The following DOCK7 variants were observed in gnomAD, a reference collection of about 807,000 sequenced individuals.
DOCK7 encodes dedicator of cytokinesis protein 7.
DOCK7 carries 138 observed loss-of-function variants against 271.0 expected under a neutral mutation model. The ratio of observed to expected loss-of-function variants is 0.51; its 90% confidence interval spans 0.44 to 0.59. The LOEUF is 0.59. Among genes scored for constraint, DOCK7 ranks in the 20% least tolerant of loss-of-function variants. The probability of loss-of-function intolerance (pLI) is 0.00; values close to 1 mark genes in which losing one functional copy is unlikely to be tolerated. For missense variants in DOCK7, 2,066 were observed against 2,592.4 expected (o/e 0.80, Z 4.41); for synonymous variants, 823 against 876.1 (o/e 0.94, Z 1.07).
At chr1:62,481,508 G>A (rs1326028187) in intron 43 of DOCK7, 4 of 151,304 alleles carry the variant, frequency 2.6e-5, no homozygotes, top group African/African-American at 9.7e-5. Context: ...TCAGAGCTTT[G>A]GACCACAGGA....
At chr1:62,486,193 TAC>T (rs1646286347) in intron 43 of DOCK7, 1 of 152,152 alleles carries the variant, frequency 6.6e-6, no homozygotes, top group African/African-American at 2.4e-5. Context: ...TGAGTATTGA[TAC>T]AGTCATATAC....
At chr1:62,597,943 G>A in intron 14 of DOCK7, 3 of 1,550,450 alleles carry the variant, frequency 1.9e-6, no homozygotes, top group Non-Finnish European at 1.7e-6. Flanking sequence ...AAACTTGAAA[G>A]CCTCCTAGAA....
At chr1:62,597,813 T>C (rs1649497318) in intron 14 of DOCK7, 1 of 1,613,228 alleles carries the variant, frequency 6.2e-7, no homozygotes, top group South Asian at 1.1e-5. Context: ...TCAGTCTTTT[T>C]ATGATCTATC....
At chr1:62,459,867 A>G (rs573614336) in intron 48 of DOCK7, among the ~76,000 whole-genome samples, 1 of 152,260 alleles carries the variant, frequency 6.6e-6, no homozygotes, top group Non-Finnish European at 1.5e-5. Flanking sequence ...TGGGAGGCCA[A>G]GGCGGGCGGA....
chr1:62,675,803 G>A (rs1205285613), intron 1 of DOCK7, among the ~76,000 whole-genome samples: 5 of 151,556 alleles, frequency 3.3e-5, no homozygotes, highest in Non-Finnish European at 7.4e-5. Context: ...AAAAAAAAAG[G>A]CACTAGTCAT....
At chr1:62,570,414 A>G (rs1485108875) in intron 18 of DOCK7, among the ~76,000 whole-genome samples, 1 of 152,232 alleles carries the variant, frequency 6.6e-6, no homozygotes, top group East Asian at 1.9e-4. Flanking sequence ...GACACAAACA[A>G]ATGGAAAAAC....
At chr1:62,558,934 T>A in intron 20 of DOCK7, 55 bp downstream of exon 20, 1 of 1,416,850 alleles carries the variant, frequency 7.1e-7, no homozygotes, top group Non-Finnish European at 9.7e-7. Flanking sequence ...TTAACAAAAT[T>A]TAGAAATGTC....
chr1:62,495,981 CTCCTA>C, intron 38 of DOCK7: 1 of 354,058 alleles, frequency 2.8e-6, no homozygotes, highest in Admixed American at 4.8e-5. Flanking sequence ...GGAAAATTCT[CTCCTA>C]TATTTCTGAT....
Position 62,662,740 on chromosome 1 carries a change from G to A in DOCK7, c.144+285C>T, listed in dbSNP as rs1360792055. On this transcript the variant is annotated intron_variant, in intron 2 of 49. Transcript: ENST00000635253. ...CGCGCCACTGCACTCCAGCCTGGGC[G>A]ACAGAGTGAGACTCGGTCTCAAAAA... Among the ~76,000 whole-genome samples the A allele has an allele frequency of 3.3e-5, 5 of 152,020 alleles. No homozygotes were observed. The South Asian group carries it at 6.2e-4, about 19-fold the overall frequency.
At chr1:62,675,042 T>C (rs1571984112) in intron 1 of DOCK7, among the ~76,000 whole-genome samples, 2 of 152,174 alleles carry the variant, frequency 1.3e-5, no homozygotes, top group Non-Finnish European at 1.5e-5. Context: ...TTGTAAATTA[T>C]ATATCTAAAG....
At chr1:62,658,886 G>A (rs1286121834) in intron 2 of DOCK7, among the ~76,000 whole-genome samples, 2 of 151,796 alleles carry the variant, frequency 1.3e-5, no homozygotes, top group Non-Finnish European at 2.9e-5. Flanking sequence ...CTGGGAGGCA[G>A]AGGTTGCAGT....
intron 14 of DOCK7, among the ~76,000 whole-genome samples, chr1:62,593,018 C>CAAT (rs1648690050): frequency 6.6e-6 from 1 of 151,980 alleles, no homozygotes; most frequent in Non-Finnish European, 1.5e-5. Flanking sequence ...ATCTATATAA[C>CAAT]AGGATTATGC....
At chr1:62,463,385 G>T (rs1452671289) in intron 48 of DOCK7, among the ~76,000 whole-genome samples, 1 of 152,070 alleles carries the variant, frequency 6.6e-6, no homozygotes, top group Admixed American at 6.6e-5. Context: ...ATGTAAATTT[G>T]GCTTACACAC....
intron 16 of DOCK7, 98 bp from the exon 17 acceptor site, chr1:62,579,064 G>A: frequency 4.2e-6 from 5 of 1,197,768 alleles, no homozygotes; most frequent in Non-Finnish European, 5.4e-6. Context: ...TAAGATTCAT[G>A]TTTAATTTTT....
intron 20 of DOCK7, 76 bp downstream of exon 20, chr1:62,558,913 G>GTT (rs374596440): frequency 5.5e-4 from 526 of 949,240 alleles, no homozygotes; most frequent in South Asian, 7.6e-4. Context: ...TAGAAATCAT[G>GTT]TTTTTTTTTT....
chr1:62,546,612 C>T (rs1306167409), intron 22 of DOCK7, among the ~76,000 whole-genome samples: 1 of 152,076 alleles, frequency 6.6e-6, no homozygotes, highest in Non-Finnish European at 1.5e-5. Flanking sequence ...TTACTAAGTT[C>T]AATGCCTTGA....
At chr1:62,557,257 T>A (rs1244080197) in intron 20 of DOCK7, among the ~76,000 whole-genome samples, 1 of 151,776 alleles carries the variant, frequency 6.6e-6, no homozygotes, top group Non-Finnish European at 1.5e-5. Context: ...TTATCTCCTC[T>A]CCAAAGGAAG....
At chr1:62,551,931 GAAAT>G (rs1164912763) in intron 22 of DOCK7, among the ~76,000 whole-genome samples, 2 of 151,508 alleles carry the variant, frequency 1.3e-5, no homozygotes, top group Admixed American at 1.3e-4. Context: ...AAACCTAAAA[GAAAT>G]AAATAGAATT....
chr1:62,604,149 A>G lies in DOCK7; in HGVS notation c.1682+14557T>C, dbSNP rs151187179. ...GTTGCGATTACTGGCAATGTCCCCAATGCAATCCCGGAAAACAAAGATTTG... is the reference window on the plus strand; with the variant it reads ...GTTGCGATTACTGGCAATGTCCCCAGTGCAATCCCGGAAAACAAAGATTTG... On this transcript the variant is annotated intron_variant, in intron 14 of 49. Coordinates refer to ENST00000635253, the MANE Select transcript of DOCK7 (RefSeq NM_001367561.1). The G allele has an allele frequency of 3.4e-4, 541 of 1,613,460 alleles. 5 individuals are homozygous for G. The South Asian group carries it at 4.2e-3, about 13-fold the overall frequency.
Sources: gnomAD v4.1 joint callset for allele counts (sites outside exome capture counted in the v4.1 genomes callset) on GRCh38, gnomAD v4.1.1 for gene constraint, MANE v1.5 for transcripts, NCBI Gene and HGNC (gene_info 2026-07-23, HGNC 2026-07-21) for gene names.